The following SORL1 variants were observed in gnomAD, a reference collection of about 807,000 sequenced individuals.
The protein encoded by SORL1 is sortilin related receptor 1, also known as sortilin-related receptor.
A neutral mutation model predicts 273.7 loss-of-function variants in SORL1; 127 were observed. The observed-to-expected ratio is 0.46, with a 90% CI of 0.40 to 0.54. SORL1 has a LOEUF of 0.54. Among genes scored for constraint, SORL1 ranks in the 20% least tolerant of loss-of-function variants. The probability of loss-of-function intolerance (pLI) is 0.00; values close to 1 mark genes in which losing one functional copy is unlikely to be tolerated. For synonymous variants in SORL1, 1,031 were observed against 1,067.4 expected (o/e 0.97, Z 0.66); for missense variants, 2,494 against 2,846.1 (o/e 0.88, Z 2.81).
chr11:121,625,439 A>G (rs896536494), intron 46 of SORL1, among the ~76,000 whole-genome samples, 162 bp downstream of exon 46: 2 of 152,220 alleles, frequency 1.3e-5, no homozygotes, highest in Non-Finnish European at 2.9e-5. Context: ...GATGTATTTA[A>G]CAAATACTTC....
intron 3 of SORL1, among the ~76,000 whole-genome samples, chr11:121,487,748 A>C (rs1208761008): frequency 1.3e-5 from 2 of 152,226 alleles, no homozygotes; most frequent in African/African-American, 4.8e-5. Flanking sequence ...AAACAACAGA[A>C]AGGCCCACTT....
In SORL1 at chr11:121,630,215, G is replaced by A. The variant is rs994490432; in HGVS notation, c.*652G>A. On this transcript the variant is annotated 3_prime_UTR_variant, in exon 48 of 48. Coordinates refer to ENST00000260197, the MANE Select transcript of SORL1 (RefSeq NM_003105.6). ...GTGTGTCATGTAATGGTCTTTGGCA[G>A]GAGAGAGCACTGAGTCATTGCTGGA... 2 of 152,432 alleles carry A rather than the reference G, an allele frequency of 1.3e-5. No individual in the cohort carries two copies. The highest frequency in any genetic ancestry group is 2.9e-5 in the Non-Finnish European group (2 of 68,230). The allele number at this position is 152,432 out of a possible 1,614,324, so 9.4% of individuals were successfully genotyped here.
chr11:121,581,616 GA>G (rs1863016735), intron 25 of SORL1, among the ~76,000 whole-genome samples: 2 of 152,116 alleles, frequency 1.3e-5, no homozygotes, highest in Non-Finnish European at 2.9e-5. Flanking sequence ...AAGTTACTAA[GA>G]AGATAGAAAA....
At chr11:121,567,181 G>C in intron 22 of SORL1, 68 bp downstream of exon 22, 1 of 1,312,552 alleles carries the variant, frequency 7.6e-7, no homozygotes, top group Non-Finnish European at 1.1e-6. Flanking sequence ...CCAGGGGAGG[G>C]AGGGATAGCT....
chr11:121,470,432 A>G (rs770996613), intron 2 of SORL1, among the ~76,000 whole-genome samples: 1 of 152,244 alleles, frequency 6.6e-6, no homozygotes, highest in Non-Finnish European at 1.5e-5. Flanking sequence ...GCCTGCCTGC[A>G]GCTGAGCCCG....
rs377405996 is a variant in SORL1, at chr11:121,520,842, A to G, written c.1397A>G (p.Asn466Ser). 13 of 1,591,080 alleles carry G rather than the reference A, an allele frequency of 8.2e-6. No individual in the cohort carries two copies. The East Asian group carries it at 1.8e-4, about 22-fold the overall frequency. The part of the protein sequence containing the change: ...PAFTGYGEKI[N>S]CELSQGCSLH... ...TTCACGGGATATGGAGAGAAAATCAATTGTGAGGTATTGATGCTTTAATCT... is the reference window on the plus strand; with the variant it reads ...TTCACGGGATATGGAGAGAAAATCAGTTGTGAGGTATTGATGCTTTAATCT... Residue 466 changes from asparagine to serine, a missense_variant, in exon 9 of 48, where the codon AAT (asparagine) becomes AGT (serine). Physicochemically the swap from Asn to Ser is conservative, Grantham distance 46. Around this residue, in one of 3 missense-constraint regions of SORL1, gnomAD observed 710 missense variants for 882.5 expected, o/e 0.80. Transcript: ENST00000260197.
At chr11:121,523,060 T>C in intron 11 of SORL1, 71 bp downstream of exon 11, 1 of 1,072,600 alleles carries the variant, frequency 9.3e-7, no homozygotes, top group Non-Finnish European at 1.5e-6. Context: ...GACTGTGCCT[T>C]GGCATTTCAG....
chr11:121,541,283 C>T (rs904892930), intron 12 of SORL1, among the ~76,000 whole-genome samples: 4 of 151,790 alleles, frequency 2.6e-5, no homozygotes, highest in African/African-American at 9.7e-5. Flanking sequence ...CACACTGCAG[C>T]CTCACACTCT....
intron 41 of SORL1, among the ~76,000 whole-genome samples, chr11:121,617,263 C>T (rs968687941): frequency 4.6e-5 from 7 of 152,096 alleles, no homozygotes; most frequent in African/African-American, 1.4e-4. Flanking sequence ...TTTACAGATG[C>T]GAAGGTTCCC....
chr11:121,620,925 T>C, intron 43 of SORL1, 139 bp from the exon 44 acceptor site: 3 of 620,786 alleles, frequency 4.8e-6, no homozygotes, highest in Non-Finnish European at 8.4e-6. Flanking sequence ...TTCCAAAGAA[T>C]GGAGTCAGAT....
rs763540595 is a variant in SORL1, at chr11:121,621,085, G to A, written c.5911G>A (p.Asp1971Asn). 1.2e-6 allele frequency: 2 copies of A among 1,611,210 alleles called. No individual in the cohort carries two copies. The highest frequency in any genetic ancestry group is 4.5e-5 in the East Asian group (2 of 44,832). Residue 1971 changes from aspartate (D) to asparagine (N), a missense_variant, in exon 44 of 48, where the codon GAT becomes AAT. Asp to Asn is a conservative substitution (Grantham distance 23). Coordinates refer to ENST00000260197, the MANE Select transcript of SORL1 (RefSeq NM_003105.6). ...CTAGTTGTATGCAGTTGCAGTCAAA[G>A]ATCTCATAAGAAAGACTGACAGGAG... ...QDLLYAVAVKDLIRKTDRSYK... is the reference protein window; with the variant it reads ...QDLLYAVAVKNLIRKTDRSYK...
rs915627491 is a variant in SORL1, at chr11:121,618,659, A to C, written c.5605-115A>C. 4 of 1,264,064 alleles carry C rather than the reference A, an allele frequency of 3.2e-6. No homozygotes were observed. In the African/African-American group the frequency reaches 6.0e-5, roughly 19 times the overall value. The allele number at this position is 1,264,064 out of a possible 1,614,324, so 78.3% of individuals were successfully genotyped here. On this transcript the variant is annotated intron_variant, in intron 41 of 47. Coordinates refer to ENST00000260197, the MANE Select transcript of SORL1 (RefSeq NM_003105.6). ...TGTAAATGTAATAAATGTTGAATGA[A>C]GACTTCTCTGTGAGCTCTTTTGAAG... is the stretch of plus-strand genomic sequence containing the variant.
chr11:121,543,493 A>G, intron 12 of SORL1, 55 bp from the exon 13 acceptor site: 1 of 1,464,936 alleles, frequency 6.8e-7, no homozygotes, highest in Middle Eastern at 1.8e-4. Flanking sequence ...ATGGAAACCA[A>G]GCCTTTGCCT....
intron 36 of SORL1, 22 bp from the exon 37 acceptor site, chr11:121,607,164 A>G: frequency 6.8e-7 from 1 of 1,464,880 alleles, no homozygotes; most frequent in Non-Finnish European, 9.6e-7. Context: ...CTTTACTCAC[A>G]TTTTTTTTCT....
chr11:121,519,055 C>T (rs937279943), intron 8 of SORL1, among the ~76,000 whole-genome samples: 8 of 150,700 alleles, frequency 5.3e-5, no homozygotes, highest in Non-Finnish European at 1.2e-4. Context: ...TCAAGCGATT[C>T]TCCTGCCTCA....
chr11:121,557,330 G>T lies in SORL1; in HGVS notation c.2588G>T (p.Gly863Val), dbSNP rs778451337. Reference sequence around the variant, plus strand: ...TTTTGTCAGGTAGCTAATCCAGATGGCGACTTCCGACTCACAATCGTCAAT... The same window carrying T: ...TTTTGTCAGGTAGCTAATCCAGATGTCGACTTCCGACTCACAATCGTCAAT... ...FKKIEVANPD[G>V]DFRLTIVNSS... Residue 863 changes from glycine to valine, a missense_variant, in exon 19 of 48, where the codon GGC becomes GTC. This residue lies in a region of SORL1 where 1,609 missense variants were observed against 1,816.4 expected (regional missense o/e 0.89). Transcript: ENST00000260197. 1.2e-6 allele frequency: 2 copies of T among 1,614,064 alleles called. No homozygotes were observed. The highest frequency in any genetic ancestry group is 1.7e-6 in the Non-Finnish European group (2 of 1,179,932).
chr11:121,468,115 G>GC (rs1449915291), intron 1 of SORL1, among the ~76,000 whole-genome samples: 3 of 152,132 alleles, frequency 2.0e-5, no homozygotes, highest in Non-Finnish European at 4.4e-5. Flanking sequence ...GTTCGAGTGT[G>GC]CTGGGGGGAG....
At chr11:121,603,015 T>C (rs1348764294) in intron 32 of SORL1, among the ~76,000 whole-genome samples, 1 of 152,200 alleles carries the variant, frequency 6.6e-6, no homozygotes. Flanking sequence ...ACCTGTCTTC[T>C]GTATTCTCTC....
At position 121,575,815 on chromosome 11, in the gene SORL1, C is replaced by T. The variant is rs1056631658; in HGVS notation, c.3460+1452C>T. ...TTGCCCTAGTAAGAAGGAAACTTCA[C>T]GTGGTTCCCTCTTTCTGGTATCATT... On this transcript the variant is annotated intron_variant, in intron 24 of 47. Transcript: ENST00000260197. Among the ~76,000 whole-genome samples the T allele has an allele frequency of 1.9e-4, 29 of 152,154 alleles. 1 individual carries two copies. The highest frequency in any genetic ancestry group is 1.9e-4 in the East Asian group (1 of 5,202).
Sources: allele counts gnomAD v4.1 joint callset (sites outside exome capture counted in the v4.1 genomes callset), GRCh38; gene constraint gnomAD v4.1.1; regional missense constraint gnomAD v4.1.1; transcripts MANE v1.5; gene names NCBI Gene and HGNC (gene_info 2026-07-23, HGNC 2026-07-21).